The following DNAH14 variants were observed in gnomAD, a reference collection of about 807,000 sequenced individuals.
The protein encoded by DNAH14 is axonemal beta dynein heavy chain 14.
Under a neutral mutation model 520.9 loss-of-function variants are expected in DNAH14, and 478 were observed. The ratio of observed to expected loss-of-function variants is 0.92; its 90% CI spans 0.85 to 0.99. The LOEUF is 0.99. Among genes scored for constraint, DNAH14 ranks in the 50% least tolerant of loss-of-function variants. The pLI is 0.00. For synonymous variants in DNAH14, 1,581 were observed against 1,757.2 expected (o/e 0.90, Z 2.51); for missense variants, 4,831 against 5,234.5 (o/e 0.92, Z 2.38).
chr1:225,290,929 G>A (rs369369007), intron 55 of DNAH14, among the ~76,000 whole-genome samples: 1 of 151,546 alleles, frequency 6.6e-6, no homozygotes, highest in East Asian at 1.9e-4. Flanking sequence ...TTATTGTTAT[G>A]TATAGTTATC....
intron 10 of DNAH14, among the ~76,000 whole-genome samples, chr1:225,011,716 G>A (rs1039049928): frequency 7.3e-6 from 1 of 136,902 alleles, no homozygotes; most frequent in Non-Finnish European, 1.5e-5. Context: ...ATCTTTATTG[G>A]TTTAAAGACT....
chr1:224,958,348 A>G (rs2060634892), intron 3 of DNAH14, among the ~76,000 whole-genome samples: 1 of 152,086 alleles, frequency 6.6e-6, no homozygotes, highest in African/African-American at 2.4e-5. Flanking sequence ...GGGGTTACCA[A>G]TCCACGTAGG....
At chr1:225,196,675 T>A (rs572298217) in intron 38 of DNAH14, among the ~76,000 whole-genome samples, 1 of 152,210 alleles carries the variant, frequency 6.6e-6, no homozygotes, top group Non-Finnish European at 1.5e-5. Flanking sequence ...CACACCAACA[T>A]CTTATTTTTG....
chr1:224,964,615 G>T lies in DNAH14; in HGVS notation c.498+6G>T. 1 of 1,542,560 alleles carries T rather than the reference G, an allele frequency of 6.5e-7. No individual in the cohort carries two copies. The highest frequency in any genetic ancestry group is 1.4e-5 in the African/African-American group (1 of 72,810). ...TTCAGAAGATTACTTTAAAGGTATT[G>T]TTCTATTTTATTTAATTTTGATCTT... On this transcript the variant is annotated splice_donor_region_variant and intron_variant, in intron 5 of 85. Transcript: ENST00000682510.
At chr1:225,212,303 C>G (rs912185915) in intron 41 of DNAH14, among the ~76,000 whole-genome samples, 9 of 151,974 alleles carry the variant, frequency 5.9e-5, no homozygotes, top group African/African-American at 2.2e-4. Flanking sequence ...TCCAGTCTAT[C>G]ATTGATGGAC....
chr1:225,042,901 C>A lies in DNAH14; in HGVS notation c.1555C>A (p.Leu519Ile), dbSNP rs2067604968. The A allele has an allele frequency of 6.4e-7, 1 of 1,551,586 alleles. No individual in the cohort carries two copies. Among genetic ancestry groups the A allele is most frequent in the Non-Finnish European group, 8.7e-7 (1 of 1,146,952 alleles). ...ATATGCACCAATATTTGAAGTAAAT[C>A]TATGCTTGAGAATTCCTGCTGAGAG... ...KTYAPIFEVN[L>I]CLRIPAESDS... The change falls in exon 13 of 86, where the codon CTA (leucine) becomes ATA (isoleucine). Residue 519 changes from leucine (L) to isoleucine (I), a missense_variant. Leu to Ile is a conservative substitution (Grantham distance 5). Transcript: ENST00000682510.
At chr1:224,934,271 A>C (rs1043235897) in intron 1 of DNAH14, among the ~76,000 whole-genome samples, 5 of 152,054 alleles carry the variant, frequency 3.3e-5, no homozygotes, top group African/African-American at 1.2e-4. Context: ...TTGTTAAAAA[A>C]TACAAATAAA....
intron 1 of DNAH14, among the ~76,000 whole-genome samples, chr1:224,939,849 C>T (rs996130454): frequency 1.3e-5 from 2 of 152,122 alleles, no homozygotes; most frequent in Non-Finnish European, 2.9e-5. Flanking sequence ...ATTGTAATTC[C>T]TAGTGTTGGA....
At chr1:225,351,953 A>C (rs2095370787) in intron 72 of DNAH14, 70 bp downstream of exon 72, 1 of 1,261,422 alleles carries the variant, frequency 7.9e-7, no homozygotes, top group African/African-American at 1.5e-5. Flanking sequence ...CAATTTGTAA[A>C]TGTCGTACAT....
chr1:225,055,840 C>G (rs2069013328), intron 17 of DNAH14, among the ~76,000 whole-genome samples: 1 of 152,146 alleles, frequency 6.6e-6, no homozygotes, highest in Admixed American at 6.5e-5. Context: ...CCAGCTTCAT[C>G]CATGTCCCCA....
At chr1:225,138,884 G>C (rs1165252112) in intron 27 of DNAH14, among the ~76,000 whole-genome samples, 1 of 152,090 alleles carries the variant, frequency 6.6e-6, no homozygotes, top group African/African-American at 2.4e-5. Flanking sequence ...TCAGTTAAAG[G>C]TGTTGAATTC....
At chr1:224,958,931 A>C (rs2060677833) in intron 3 of DNAH14, among the ~76,000 whole-genome samples, 1 of 151,888 alleles carries the variant, frequency 6.6e-6, no homozygotes, top group African/African-American at 2.4e-5. Context: ...AAGGAATAGG[A>C]TTTTTTTTAT....
intron 74 of DNAH14, among the ~76,000 whole-genome samples, chr1:225,359,646 T>A (rs563958221): frequency 6.6e-6 from 1 of 152,304 alleles, no homozygotes; most frequent in East Asian, 1.9e-4. Flanking sequence ...AATGTTTCCA[T>A]GCAAAGCACT....
chr1:225,360,892 G>GT lies in DNAH14; in HGVS notation c.11987+2dup. 6.4e-7 allele frequency: 1 copy of GT among 1,550,786 alleles called. No homozygotes were observed. Among genetic ancestry groups the GT allele is most frequent in the East Asian group, 2.4e-5 (1 of 40,910 alleles). ...CAAGGCTTTGCACAATTGTAGAATC[G>GT]TAAGAGTTTTACATTTATCTGTAAG... On this transcript the variant is annotated splice_donor_variant, in intron 75 of 85. Coordinates refer to ENST00000682510, the MANE Select transcript of DNAH14 (RefSeq NM_001367479.1). LOFTEE classifies it high-confidence loss of function.
In DNAH14 at chr1:224,955,069, C is replaced by G. The variant is rs757565195; in HGVS notation, c.188C>G (p.Ser63Cys). ...GAATATAAAACAGTTAGAACATTCT[C>G]TGAATCTTTGAAGTCAGAGAAAACA... ...TLEYKTVRTF[S>C]ESLKSEKTED... The change falls in exon 3 of 86, where the codon TCT becomes TGT. Residue 63 changes from serine to cysteine, a missense_variant. Ser to Cys is a moderately radical substitution (Grantham distance 112). Coordinates refer to ENST00000682510, the MANE Select transcript of DNAH14 (RefSeq NM_001367479.1). 123 of 1,610,532 alleles carry G rather than the reference C, an allele frequency of 7.6e-5. No individual in the cohort carries two copies. The highest frequency in any genetic ancestry group is 1.0e-4 in the Non-Finnish European group (118 of 1,178,230).
intron 60 of DNAH14, among the ~76,000 whole-genome samples, chr1:225,315,036 C>A (rs555518198): frequency 6.6e-6 from 1 of 152,232 alleles, no homozygotes; most frequent in East Asian, 1.9e-4. Context: ...GTGTGTTTTC[C>A]AACTTGGTTC....
At chr1:225,104,864 G>T (rs1215909041) in intron 23 of DNAH14, among the ~76,000 whole-genome samples, 1 of 152,018 alleles carries the variant, frequency 6.6e-6, no homozygotes, top group East Asian at 1.9e-4. Flanking sequence ...TTTTTGAAGG[G>T]TTTTTTATGT....
At chr1:225,009,908 G>C (rs2064558738) in intron 10 of DNAH14, among the ~76,000 whole-genome samples, 1 of 152,130 alleles carries the variant, frequency 6.6e-6, no homozygotes, top group Admixed American at 6.6e-5. Context: ...TCTATTATAG[G>C]TGTATAGGAA....
intron 20 of DNAH14, among the ~76,000 whole-genome samples, chr1:225,083,701 G>A (rs904368332): frequency 3.3e-5 from 5 of 151,892 alleles, no homozygotes; most frequent in African/African-American, 7.3e-5. Flanking sequence ...AATCCTCATC[G>A]TATCTAAATA....
Sources: gnomAD v4.1 joint callset for allele counts (sites outside exome capture counted in the v4.1 genomes callset) on GRCh38, gnomAD v4.1.1 for gene constraint, MANE v1.5 for transcripts, NCBI Gene and HGNC (gene_info 2026-07-23, HGNC 2026-07-21) for gene names.